The following SEH1L variants were observed in gnomAD, a reference collection of about 807,000 sequenced individuals.
SEH1L encodes SEH1 like nucleoporin.
SEH1L carries 18 observed loss-of-function variants against 49.5 expected under a neutral mutation model. The observed-to-expected ratio is 0.36, with a 90% CI of 0.25 to 0.54. The LOEUF (loss-of-function observed/expected upper bound fraction) is 0.54, where lower values mean the gene tolerates loss of function less well. Among genes scored for constraint, SEH1L ranks in the 20% least tolerant of loss-of-function variants. The pLI is 0.87. For missense variants in SEH1L, 404 were observed against 528.8 expected (o/e 0.76, Z 2.31); for synonymous variants, 169 against 178.1 (o/e 0.95, Z 0.41).
intron 3 of SEH1L, among the ~76,000 whole-genome samples, chr18:12,958,368 G>A (rs1258586442): frequency 6.6e-6 from 1 of 152,122 alleles, no homozygotes; most frequent in East Asian, 1.9e-4. Context: ...TTACAGGCGT[G>A]AGCCACCATG....
chr18:12,958,625 A>G (rs2031021390), intron 3 of SEH1L, among the ~76,000 whole-genome samples: 1 of 152,134 alleles, frequency 6.6e-6, no homozygotes, highest in Non-Finnish European at 1.5e-5. Context: ...CAACTGGCTT[A>G]TTTCACTAAG....
At chr18:12,952,230 TTC>T (rs1235001296) in intron 2 of SEH1L, among the ~76,000 whole-genome samples, 1 of 151,334 alleles carries the variant, frequency 6.6e-6, no homozygotes, top group East Asian at 1.9e-4. Flanking sequence ...AGTAGAAATT[TTC>T]TTTTTTTTTT....
chr18:12,952,076 G>A (rs1288938853), intron 2 of SEH1L, among the ~76,000 whole-genome samples, 171 bp downstream of exon 2: 1 of 151,870 alleles, frequency 6.6e-6, no homozygotes, highest in Non-Finnish European at 1.5e-5. Context: ...CAGAATTTGA[G>A]AGTAAGAAAA....
chr18:12,974,024 G>T (rs536826047), intron 5 of SEH1L: 40 of 152,328 alleles, frequency 2.6e-4, no homozygotes, highest in African/African-American at 8.4e-4. Context: ...TTAGCTGCAA[G>T]AGAGTGAGAC....
intron 2 of SEH1L, among the ~76,000 whole-genome samples, chr18:12,952,607 G>A (rs906111770): frequency 6.6e-6 from 1 of 152,094 alleles, no homozygotes; most frequent in African/African-American, 2.4e-5. Context: ...TTACATAGTT[G>A]TGTAGTCATC....
At chr18:12,985,924 C>G in intron 8 of SEH1L, 1 of 939,168 alleles carries the variant, frequency 1.1e-6, no homozygotes, top group Non-Finnish European at 1.3e-6. Flanking sequence ...CAATTTGGGA[C>G]TAAGATGGAA....
At position 12,981,849 on chromosome 18, in the gene SEH1L, C is replaced by CTTTTTTTTTTT. The variant is rs1467685892; in HGVS notation, c.762-669_762-668insTTTTTTTTTTT. ...ATTCTTTCCTACTTGCTGCCCTGCCCATTTTTTTTTTTTTTTTTTTTTTTT... is the reference window on the plus strand; with the variant it reads ...ATTCTTTCCTACTTGCTGCCCTGCCCTTTTTTTTTTTATTTTTTTTTTTTTTTTTTTTTTTT... On this transcript the variant is annotated intron_variant, in intron 6 of 8. Transcript: ENST00000399892. Among the ~76,000 whole-genome samples, 62 of 102,508 alleles carry CTTTTTTTTTTT rather than the reference C, an allele frequency of 6.0e-4. 8 individuals carry two copies. The highest frequency in any genetic ancestry group is 2.4e-3 in the African/African-American group (52 of 21,696). 67.2% of individuals were successfully genotyped at this position (102,508 alleles called of 152,430 possible). A position where few individuals can be genotyped will look rare whatever the true frequency, so the allele number is the denominator to read the frequency against.
At position 12,980,639 on chromosome 18, in the gene SEH1L, G is replaced by A. The variant is rs1369738842; in HGVS notation, c.761+1747G>A. ...GGGCTCCTCTCTTCCCAGTAGGGGC[G>A]GCCGGGCAGAGGCGCCCCTCACCTC... On this transcript the variant is annotated intron_variant, in intron 6 of 8. Transcript: ENST00000399892. Among the ~76,000 whole-genome samples the A allele has an allele frequency of 8.0e-5, 11 of 136,818 alleles. 1 individual carries two copies. The highest frequency in any genetic ancestry group is 2.1e-4 in the Admixed American group (3 of 14,228). 89.8% of individuals were successfully genotyped at this position (136,818 alleles called of 152,430 possible).
At chr18:12,948,362 T>A (rs2030248272) in intron 1 of SEH1L, 130 bp downstream of exon 1, 1 of 680,408 alleles carries the variant, frequency 1.5e-6, no homozygotes, top group Non-Finnish European at 2.5e-6. Context: ...GGGCGAGCCC[T>A]GGCTGGACTG....
intron 3 of SEH1L, among the ~76,000 whole-genome samples, chr18:12,958,455 CTG>C (rs886508473): frequency 1.3e-5 from 2 of 152,170 alleles, no homozygotes; most frequent in African/African-American, 4.8e-5. Flanking sequence ...GTACCCATCA[CTG>C]TTATCTGTAC....
intron 6 of SEH1L, among the ~76,000 whole-genome samples, chr18:12,981,848 CCA>C (rs1568230942): frequency 7.8e-5 from 7 of 89,752 alleles, no homozygotes; most frequent in Non-Finnish European, 4.7e-5. Context: ...GCTGCCCTGC[CCA>C]TTTTTTTTTT....
At chr18:12,980,733 C>T (rs1598978914) in intron 6 of SEH1L, among the ~76,000 whole-genome samples, 1 of 56,130 alleles carries the variant, frequency 1.8e-5, no homozygotes, top group Non-Finnish European at 3.5e-5. Context: ...GGCGGCTGGC[C>T]GGGCAGAGGG....
chr18:12,980,187 T>C (rs1181907067), intron 6 of SEH1L, among the ~76,000 whole-genome samples: 590 of 50,734 alleles, frequency 0.012, no homozygotes, highest in African/African-American at 0.016. Context: ...ACCTCCCGGA[T>C]GGGGCGGCTG....
At chr18:12,979,891 T>C (rs1228232642) in intron 6 of SEH1L, among the ~76,000 whole-genome samples, 51 of 79,958 alleles carry the variant, frequency 6.4e-4, no homozygotes, top group Middle Eastern at 0.015. Flanking sequence ...CCCCACCTCC[T>C]TCGCGGACGG....
At chr18:12,962,459 CTTTT>C (rs3070220) in intron 3 of SEH1L, among the ~76,000 whole-genome samples, 4 of 63,654 alleles carry the variant, frequency 6.3e-5, no homozygotes, top group Admixed American at 2.4e-4. Flanking sequence ...GCATGCCTTT[CTTTT>C]TTTTTTTTTT....
At chr18:12,956,272 C>T (rs2030853073) in intron 3 of SEH1L, among the ~76,000 whole-genome samples, 1 of 152,000 alleles carries the variant, frequency 6.6e-6, no homozygotes, top group Non-Finnish European at 1.5e-5. Context: ...TCTCGATCTC[C>T]TGACCTCGTG....
intron 8 of SEH1L, chr18:12,985,181 A>T: frequency 6.5e-7 from 1 of 1,547,838 alleles, no homozygotes; most frequent in East Asian, 2.3e-5. Flanking sequence ...GCCAATAACC[A>T]TCTGTGTTAG....
chr18:12,971,163 C>T lies in SEH1L; in HGVS notation c.532C>T (p.His178Tyr), dbSNP rs760185949. 1.2e-6 allele frequency: 2 copies of T among 1,612,346 alleles called. No homozygotes were observed. Among genetic ancestry groups the T allele is most frequent in the Non-Finnish European group, 1.7e-6 (2 of 1,178,486 alleles). Residue 178 changes from histidine (H) to tyrosine (Y), a missense_variant, in exon 5 of 9, where the codon CAT becomes TAT. His to Tyr is a moderately conservative substitution (Grantham distance 83). Coordinates refer to ENST00000399892, the MANE Select transcript of SEH1L (RefSeq NM_001013437.2). Reference protein sequence around the residue: ...ISWNPSSSRAHSPMIAVGSDD... With the variant: ...ISWNPSSSRAYSPMIAVGSDD... ...TCTCCCCGTTTCTAGCTCTCGTGCT[C>T]ATTCCCCCATGATCGCCGTAGGAAG...
At chr18:12,960,458 C>G (rs2031118296) in intron 3 of SEH1L, among the ~76,000 whole-genome samples, 1 of 152,176 alleles carries the variant, frequency 6.6e-6, no homozygotes, top group African/African-American at 2.4e-5. Flanking sequence ...ATTCTGGGCT[C>G]TCTTGTGGAC....
Sources: allele counts gnomAD v4.1 joint callset (sites outside exome capture counted in the v4.1 genomes callset), GRCh38; gene constraint gnomAD v4.1.1; transcripts MANE v1.5; gene names NCBI Gene and HGNC (gene_info 2026-07-23, HGNC 2026-07-21).